The following MYOM1 variants were observed in gnomAD, a reference collection of about 807,000 sequenced individuals.
MYOM1 encodes the protein myomesin 1, also known as myomesin-1.
MYOM1 carries 164 observed loss-of-function variants against 205.3 expected under a neutral mutation model. The observed-to-expected ratio is 0.80, with a 90% CI of 0.70 to 0.91. The LOEUF is 0.91. Ranked by LOEUF, MYOM1 falls within the 40% of genes least tolerant of loss-of-function variation. The probability of loss-of-function intolerance (pLI) is 0.00; values close to 1 mark genes in which losing one functional copy is unlikely to be tolerated. For synonymous variants in MYOM1, 772 were observed against 789.4 expected (o/e 0.98, Z 0.37); for missense variants, 2,011 against 2,127.3 (o/e 0.95, Z 1.08).
In MYOM1 at chr18:3,126,717, C is replaced by CT; in HGVS notation, c.2974dup (p.Ser992LysfsTer2). The CT allele has an allele frequency of 6.2e-7, 1 of 1,613,234 alleles. No individual in the cohort carries two copies. The highest frequency in any genetic ancestry group is 8.5e-7 in the Non-Finnish European group (1 of 1,179,394). ...CGTGCTTACCTTGTATGCCTCCTCA[C>CT]TGACAGCCTTGACATTGGCTTCTCT... On this transcript the variant is annotated frameshift_variant, in exon 19 of 38. Coordinates refer to ENST00000356443, the MANE Select transcript of MYOM1 (RefSeq NM_003803.4). LOFTEE classifies it high-confidence loss of function.
chr18:3,198,583 C>T (rs931993911), intron 2 of MYOM1, among the ~76,000 whole-genome samples: 16 of 152,022 alleles, frequency 1.1e-4, no homozygotes, highest in East Asian at 1.9e-4. Context: ...CAGGAGTTCA[C>T]GACCAGCCTG....
intron 19 of MYOM1, among the ~76,000 whole-genome samples, chr18:3,126,428 T>A (rs531114551): frequency 1.5e-4 from 23 of 151,918 alleles, no homozygotes; most frequent in African/African-American, 5.3e-4. Flanking sequence ...GAAAAAAAAA[T>A]TAGTTTGTAC....
At position 3,067,301 on chromosome 18, in the gene MYOM1, G is replaced by A. The variant is rs199980922; in HGVS notation, c.5019C>T (p.Ala1673=). The change falls in exon 38 of 38, where the codon GCC becomes GCT. Residue 1673 remains alanine, a synonymous_variant. Transcript: ENST00000356443. ...VFIPEEEARM[A]ALESLKGGKK... ...TGCCACCTTTCAGGGACTCCAAGGCGGCCATCCTCGCCTCCTCCTCTGGGA... is the reference window on the plus strand; with the variant it reads ...TGCCACCTTTCAGGGACTCCAAGGCAGCCATCCTCGCCTCCTCCTCTGGGA... The A allele has an allele frequency of 3.1e-4, 496 of 1,610,386 alleles. 2 individuals carry two copies. The highest frequency in any genetic ancestry group is 2.5e-3 in the African/African-American group (189 of 74,940).
chr18:3,226,558 C>T, the MYOM1 span, among the ~76,000 whole-genome samples: 4 of 152,278 alleles, frequency 2.6e-5, no homozygotes, highest in South Asian at 2.1e-4. This position sits in a 1 kb window ranked among gnomAD's most constrained non-coding sequence, Gnocchi z 4.6. Flanking sequence ...CCTGCCAACA[C>T]GCGCACACTT....
chr18:3,177,373 C>T (rs2080657872), intron 5 of MYOM1, among the ~76,000 whole-genome samples: 1 of 151,766 alleles, frequency 6.6e-6, no homozygotes, highest in Non-Finnish European at 1.5e-5. Flanking sequence ...GGTTTTATTG[C>T]TGGCTATCTG....
At chr18:3,197,802 G>A (rs1159732294) in intron 2 of MYOM1, among the ~76,000 whole-genome samples, 1 of 152,100 alleles carries the variant, frequency 6.6e-6, no homozygotes, top group South Asian at 2.1e-4. Context: ...GAACCTGGGA[G>A]GCAGAGCTTG....
At chr18:3,095,877 T>C (rs902981686) in intron 25 of MYOM1, among the ~76,000 whole-genome samples, 2 of 152,182 alleles carry the variant, frequency 1.3e-5, no homozygotes, top group African/African-American at 4.8e-5. Context: ...CCTTACAGGA[T>C]GCTCATGCTT....
chr18:3,166,398 G>A (rs2080472310), intron 9 of MYOM1, among the ~76,000 whole-genome samples: 1 of 151,712 alleles, frequency 6.6e-6, no homozygotes, highest in African/African-American at 2.4e-5. Context: ...AGCCTCCTGA[G>A]TAGCTGGGAT....
At chr18:3,157,878 C>T (rs569145384) in intron 10 of MYOM1, among the ~76,000 whole-genome samples, 13 of 151,906 alleles carry the variant, frequency 8.6e-5, no homozygotes, top group African/African-American at 2.9e-4. Flanking sequence ...CAACATTAAT[C>T]CTCTTCTACG....
In MYOM1 at chr18:3,129,372, G is replaced by T; in HGVS notation, c.2654C>A (p.Pro885His). The change falls in exon 18 of 38, where the codon CCC becomes CAC. Residue 885 changes from proline (P) to histidine (H), a missense_variant. Transcript: ENST00000356443. ...LGSKPNKPSL[P>H]SSSQNLGQTE... The stretch of plus-strand genomic sequence containing the variant: ...TTGGCCCAGGTTTTGAGAGCTACTG[G>T]GTAGTGAAGGTTTGTTAGGTTTGCT... 1 of 1,613,960 alleles carries T rather than the reference G, an allele frequency of 6.2e-7. No individual in the cohort carries two copies. The highest frequency in any genetic ancestry group is 8.5e-7 in the Non-Finnish European group (1 of 1,179,880).
chr18:3,131,933 G>C (rs1453301989), intron 16 of MYOM1, among the ~76,000 whole-genome samples: 1 of 150,942 alleles, frequency 6.6e-6, no homozygotes, highest in African/African-American at 2.4e-5. Flanking sequence ...TCATGTAGAG[G>C]TTAGTTATAA....
Position 3,209,909 on chromosome 18 carries a change from T to C in MYOM1, c.290+5025A>G, listed in dbSNP as rs1218288791. On this transcript the variant is annotated intron_variant, in intron 2 of 37. Coordinates refer to ENST00000356443, the MANE Select transcript of MYOM1 (RefSeq NM_003803.4). The surrounding 1 kb of genome is among the most constrained non-coding windows in gnomAD (Gnocchi z 4.0). ...TTAATATAATAGATTCAATACAATGTGCTTGGTAATTTATCCCAAGCACCT... is the reference window on the plus strand; with the variant it reads ...TTAATATAATAGATTCAATACAATGCGCTTGGTAATTTATCCCAAGCACCT... 2.6e-5 allele frequency among the ~76,000 whole-genome samples: 4 copies of C among 152,250 alleles called. No homozygotes were observed. The highest frequency in any genetic ancestry group is 9.6e-5 in the African/African-American group (4 of 41,470).
intron 13 of MYOM1, among the ~76,000 whole-genome samples, chr18:3,144,854 T>A (rs947816476): frequency 6.6e-6 from 1 of 152,202 alleles, no homozygotes; most frequent in Admixed American, 6.5e-5. Flanking sequence ...AAGAAATAGA[T>A]AAATGCACCA....
At chr18:3,139,496 G>A (rs1451632282) in intron 14 of MYOM1, among the ~76,000 whole-genome samples, 1 of 152,200 alleles carries the variant, frequency 6.6e-6, no homozygotes, top group African/African-American at 2.4e-5. Flanking sequence ...TGGCCCAAGA[G>A]GCAGCATGCT....
At chr18:3,201,571 CAT>C (rs956068080) in intron 2 of MYOM1, among the ~76,000 whole-genome samples, 7 of 151,454 alleles carry the variant, frequency 4.6e-5, no homozygotes, top group Non-Finnish European at 1.0e-4. Context: ...TTTATACACA[CAT>C]ATGTATATAA....
intron 5 of MYOM1, among the ~76,000 whole-genome samples, chr18:3,186,484 CA>C (rs1472676568): frequency 2.0e-5 from 3 of 152,106 alleles, no homozygotes; most frequent in Admixed American, 2.0e-4. Context: ...ATACTTCTGC[CA>C]TCTATGGCAG....
At position 3,173,573 on chromosome 18, in the gene MYOM1, C is replaced by CGTGTGTGTGTGT. The variant is rs71159051; in HGVS notation, c.1174+353_1174+364dup. Among the ~76,000 whole-genome samples the CGTGTGTGTGTGT allele has an allele frequency of 1.8e-3, 242 of 136,994 alleles. 1 individual carries two copies. The highest frequency in any genetic ancestry group is 6.1e-3 in the African/African-American group (226 of 37,152). The allele number at this position is 136,994 out of a possible 152,430, so 89.9% of individuals were successfully genotyped here. On this transcript the variant is annotated intron_variant, in intron 8 of 37. Coordinates refer to ENST00000356443, the MANE Select transcript of MYOM1 (RefSeq NM_003803.4). ...AGAGCGCTTTGATATAGTCCAGACT[C>CGTGTGTGTGTGT]GTGTGTGTGTGTGTGTGTGTGTGTG...
intron 10 of MYOM1, among the ~76,000 whole-genome samples, chr18:3,163,708 C>T (rs911587012): frequency 6.6e-6 from 1 of 152,178 alleles, no homozygotes; most frequent in Non-Finnish European, 1.5e-5. Flanking sequence ...CACATCTCAG[C>T]TTCCTAAAGT....
chr18:3,159,627 T>C (rs1352542584), intron 10 of MYOM1, among the ~76,000 whole-genome samples: 2 of 152,150 alleles, frequency 1.3e-5, no homozygotes, highest in Non-Finnish European at 2.9e-5. Flanking sequence ...GGCAAAAGGA[T>C]GCATATCCAT....
Sources: allele counts gnomAD v4.1 joint callset (sites outside exome capture counted in the v4.1 genomes callset), GRCh38; gene constraint gnomAD v4.1.1; non-coding constraint Gnocchi (gnomAD v3.1); transcripts MANE v1.5; gene names NCBI Gene and HGNC (gene_info 2026-07-23, HGNC 2026-07-21).